Variants in PTPRD observed in about 807,000 individuals in gnomAD.
PTPRD encodes protein tyrosine phosphatase receptor type D.
A neutral mutation model predicts 214.5 loss-of-function variants in PTPRD; 34 were observed. The observed-to-expected ratio is 0.16, with a 90% CI of 0.12 to 0.21. The LOEUF is 0.21. Ranked by LOEUF, PTPRD falls within the 10% of genes least tolerant of loss-of-function variation. PTPRD has a pLI of 1.00. For missense variants in PTPRD, 2,545 were observed against 2,398.7 expected (o/e 1.06, Z -1.27); for synonymous variants, 1,128 against 845.7 (o/e 1.33, Z -5.79).
chr9:10,215,606 T>C (rs905388697), intron 3 of PTPRD, among the ~76,000 whole-genome samples: 7 of 152,050 alleles, frequency 4.6e-5, no homozygotes, highest in African/African-American at 1.7e-4. Context: ...AGTTATTTGC[T>C]ACATGGACAC....
intron 8 of PTPRD, among the ~76,000 whole-genome samples, chr9:9,398,949 T>G (rs1314882690): frequency 6.6e-6 from 1 of 152,068 alleles, no homozygotes; most frequent in African/African-American, 2.4e-5. Context: ...TAGATCAGAC[T>G]CTGCCTATAT....
At chr9:8,818,239 A>C (rs1190167357) in intron 11 of PTPRD, among the ~76,000 whole-genome samples, 1 of 152,180 alleles carries the variant, frequency 6.6e-6, no homozygotes, top group Non-Finnish European at 1.5e-5. Flanking sequence ...ATCCTAATTA[A>C]ATGATAGCAT....
chr9:10,044,464 A>G (rs1567281141), intron 3 of PTPRD, among the ~76,000 whole-genome samples: 1 of 151,822 alleles, frequency 6.6e-6, no homozygotes, highest in South Asian at 2.1e-4. Flanking sequence ...TTCTTCATAA[A>G]AAGAGAACAA....
At chr9:8,915,502 C>T (rs553223217) in intron 11 of PTPRD, among the ~76,000 whole-genome samples, 9 of 152,006 alleles carry the variant, frequency 5.9e-5, no homozygotes, top group Admixed American at 2.0e-4. Context: ...TGTGCACATT[C>T]GTGTGTGTGT....
chr9:9,515,432 A>G (rs1470055238), intron 8 of PTPRD, among the ~76,000 whole-genome samples: 2 of 152,122 alleles, frequency 1.3e-5, no homozygotes, highest in Admixed American at 1.3e-4. Context: ...TTACATTTCC[A>G]GATTCATTTC....
intron 12 of PTPRD, among the ~76,000 whole-genome samples, chr9:8,669,333 C>T (rs997449381): frequency 1.8e-4 from 28 of 152,132 alleles, no homozygotes; most frequent in African/African-American, 6.8e-4. Flanking sequence ...CTCCTGAAGG[C>T]TGGGGTAGAC....
chr9:8,610,568 T>C (rs953458834), intron 14 of PTPRD, among the ~76,000 whole-genome samples: 2 of 152,190 alleles, frequency 1.3e-5, no homozygotes, highest in Non-Finnish European at 2.9e-5. Context: ...TAAACCATTC[T>C]ATTTGAACAG....
chr9:8,570,157 T>G (rs926732737), intron 14 of PTPRD, among the ~76,000 whole-genome samples: 4 of 152,100 alleles, frequency 2.6e-5, no homozygotes, highest in African/African-American at 9.7e-5. Flanking sequence ...CATAATTTGC[T>G]AGTATATGTG....
intron 7 of PTPRD, among the ~76,000 whole-genome samples, chr9:9,702,713 G>T (rs1026035090): frequency 6.6e-6 from 1 of 152,118 alleles, no homozygotes; most frequent in Non-Finnish European, 1.5e-5. Flanking sequence ...CATAGAAATG[G>T]TAGTAACTAA....
chr9:8,448,299 G>A (rs1217596383), intron 34 of PTPRD, among the ~76,000 whole-genome samples: 1 of 152,170 alleles, frequency 6.6e-6, no homozygotes, highest in Non-Finnish European at 1.5e-5. Flanking sequence ...CTGCACTCCA[G>A]CCTGGACAAT....
At chr9:9,168,650 G>A (rs1380664631) in intron 10 of PTPRD, among the ~76,000 whole-genome samples, 1 of 151,870 alleles carries the variant, frequency 6.6e-6, no homozygotes, top group African/African-American at 2.4e-5. Flanking sequence ...ATCTTGTTTT[G>A]AGACACCACC....
At chr9:9,968,910 T>A (rs1248507188) in intron 4 of PTPRD, among the ~76,000 whole-genome samples, 1 of 152,152 alleles carries the variant, frequency 6.6e-6, no homozygotes, top group Non-Finnish European at 1.5e-5. Context: ...AATTCTTCAT[T>A]GAGCAACTAC....
At chr9:9,853,259 C>A in intron 5 of PTPRD, among the ~76,000 whole-genome samples, 1 of 152,322 alleles carries the variant, frequency 6.6e-6, no homozygotes, top group East Asian at 1.9e-4. Flanking sequence ...AACATGGAAA[C>A]AACTGAACAT....
At chr9:9,790,049 G>T (rs1218111753) in intron 5 of PTPRD, among the ~76,000 whole-genome samples, 1 of 151,936 alleles carries the variant, frequency 6.6e-6, no homozygotes, top group Non-Finnish European at 1.5e-5. Flanking sequence ...ATCTTAGCAG[G>T]CCAGAACCTC....
chr9:9,595,162 A>G (rs2093168916), intron 7 of PTPRD, among the ~76,000 whole-genome samples: 1 of 151,478 alleles, frequency 6.6e-6, no homozygotes, highest in Non-Finnish European at 1.5e-5. Context: ...TGCAACCGCT[A>G]TGGAAAACAG....
At chr9:10,541,111 T>C (rs1286919017) in intron 2 of PTPRD, among the ~76,000 whole-genome samples, 1 of 152,236 alleles carries the variant, frequency 6.6e-6, no homozygotes. Flanking sequence ...TTTATTTATC[T>C]GCTTTATGGC....
intron 11 of PTPRD, among the ~76,000 whole-genome samples, chr9:9,002,662 C>A (rs1416661030): frequency 6.6e-6 from 1 of 151,970 alleles, no homozygotes; most frequent in Non-Finnish European, 1.5e-5. Flanking sequence ...CCAGTCTTAA[C>A]AACTTACTTT....
At chr9:8,745,609 T>A (rs1386337168) in intron 11 of PTPRD, among the ~76,000 whole-genome samples, 1 of 152,186 alleles carries the variant, frequency 6.6e-6, no homozygotes, top group Non-Finnish European at 1.5e-5. Flanking sequence ...ATTATGTACC[T>A]GTGTATCTTA....
At chr9:9,138,792 CA>C (rs1203593571) in intron 10 of PTPRD, among the ~76,000 whole-genome samples, 1 of 152,020 alleles carries the variant, frequency 6.6e-6, no homozygotes, top group African/African-American at 2.4e-5. Context: ...CATTAATAAG[CA>C]TTTTTTTGAT....
Sources: allele counts gnomAD v4.1 joint callset (sites outside exome capture counted in the v4.1 genomes callset), GRCh38; gene constraint gnomAD v4.1.1; transcripts MANE v1.5; gene names NCBI Gene and HGNC (gene_info 2026-07-23, HGNC 2026-07-21).